Variants in BICDL1 observed in about 807,000 individuals in gnomAD.
BICDL1 encodes BICD family-like cargo adapter 1.
A neutral mutation model predicts 76.8 loss-of-function variants in BICDL1; 20 were observed. That is an observed-to-expected ratio of 0.26 (90% CI 0.18 to 0.38). BICDL1 has a LOEUF of 0.38. BICDL1 is among the 10% of genes least tolerant of loss of function. The probability of loss-of-function intolerance (pLI) is 1.00; values close to 1 mark genes in which losing one functional copy is unlikely to be tolerated. For synonymous variants in BICDL1, 383 were observed against 337.1 expected, an observed-to-expected ratio of 1.14 and a Z score of -1.49; for missense variants, 700 against 798.6, an observed-to-expected ratio of 0.88 and a Z score of 1.49.
intron 2 of BICDL1, among the ~76,000 whole-genome samples, chr12:120,047,768 C>T (rs576435003): frequency 1.2e-4 from 18 of 152,080 alleles, no homozygotes; most frequent in African/African-American, 4.1e-4. Flanking sequence ...TTTGTTTATT[C>T]TTCCCTTAAG....
At chr12:120,036,514 G>A (rs1335111600) in intron 2 of BICDL1, among the ~76,000 whole-genome samples, 2 of 152,248 alleles carry the variant, frequency 1.3e-5, no homozygotes, top group Admixed American at 6.5e-5. Flanking sequence ...TCTTTCATCT[G>A]GTCTAAAGCC....
intron 2 of BICDL1, among the ~76,000 whole-genome samples, chr12:120,037,466 G>C (rs1168544880): frequency 2.6e-5 from 4 of 152,008 alleles, no homozygotes; most frequent in African/African-American, 9.6e-5. Flanking sequence ...ACTGCGTGCA[G>C]TTCATTAATA....
intron 2 of BICDL1, among the ~76,000 whole-genome samples, chr12:120,035,321 G>A (rs1461800326): frequency 6.6e-6 from 1 of 152,322 alleles, no homozygotes; most frequent in East Asian, 1.9e-4. Flanking sequence ...AGGTAACAGA[G>A]TGAGACTCCA....
intron 2 of BICDL1, among the ~76,000 whole-genome samples, chr12:120,001,593 T>C (rs1219019634): frequency 6.6e-6 from 1 of 152,226 alleles, no homozygotes; most frequent in Non-Finnish European, 1.5e-5. Flanking sequence ...TTTATAAGTA[T>C]GAAATGTATA....
intron 8 of BICDL1, among the ~76,000 whole-genome samples, chr12:120,087,087 C>T (rs1258492214): frequency 6.6e-6 from 1 of 152,236 alleles, no homozygotes; most frequent in Non-Finnish European, 1.5e-5. Context: ...ACGCCGGAAG[C>T]TCAGGAGGCT....
chr12:120,070,045 A>T (rs761872339), intron 4 of BICDL1, among the ~76,000 whole-genome samples: 1 of 152,122 alleles, frequency 6.6e-6, no homozygotes, highest in African/African-American at 2.4e-5. Context: ...CACTTATTTT[A>T]TTCTTATTAG....
intron 2 of BICDL1, among the ~76,000 whole-genome samples, chr12:120,020,729 C>T (rs906259108): frequency 6.6e-6 from 1 of 152,120 alleles, no homozygotes; most frequent in Non-Finnish European, 1.5e-5. Context: ...CATATCATCC[C>T]ACAGGTTATT....
At chr12:120,090,931 T>C in intron 9 of BICDL1, 1 of 1,288,464 alleles carries the variant, frequency 7.8e-7, no homozygotes, top group African/African-American at 1.5e-5. Context: ...CAGGGCTTTT[T>C]ACTATCTGGC....
chr12:120,013,051 C>T (rs931378437), intron 2 of BICDL1, among the ~76,000 whole-genome samples: 1 of 152,088 alleles, frequency 6.6e-6, no homozygotes, highest in African/African-American at 2.4e-5. Flanking sequence ...TGGCTCATGC[C>T]TGTAATCCCA....
chr12:120,028,793 G>A (rs975258868), intron 2 of BICDL1, among the ~76,000 whole-genome samples: 2 of 152,146 alleles, frequency 1.3e-5, no homozygotes, highest in African/African-American at 4.8e-5. Flanking sequence ...GGAGCTTCTG[G>A]CTTGATTGAG....
chr12:120,019,203 T>C (rs1338139297), intron 2 of BICDL1: 2 of 152,016 alleles, frequency 1.3e-5, no homozygotes, highest in African/African-American at 2.4e-5. Context: ...AGTAGTGTGA[T>C]TGTGCCTATG....
rs74933774 is a variant in BICDL1, at chr12:120,026,281, T to C, written c.645+27545T>C. ...AGATTATCCTAATGTCTGTGATTTA[T>C]TTTTAAATACTTTAGAAAAAATTTA... On this transcript the variant is annotated intron_variant, in intron 2 of 9. Coordinates refer to ENST00000548673, the MANE Select transcript of BICDL1 (RefSeq NM_001367886.1). Among the ~76,000 whole-genome samples the C allele has an allele frequency of 9.7e-3, 1,481 of 152,272 alleles. 23 individuals are homozygous for C. The highest frequency in any genetic ancestry group is 0.044 in the East Asian group (226 of 5,190).
chr12:119,998,172 G>T (rs1472152712), intron 1 of BICDL1, among the ~76,000 whole-genome samples: 1 of 152,144 alleles, frequency 6.6e-6, no homozygotes, highest in Non-Finnish European at 1.5e-5. Context: ...GATTTTAGTT[G>T]TGGGACTCAT....
At chr12:120,019,125 A>G (rs1594122750) in intron 2 of BICDL1, 1 of 151,162 alleles carries the variant, frequency 6.6e-6, no homozygotes, top group East Asian at 2.0e-4. Flanking sequence ...GGGGACCGCC[A>G]GCTTGCTTAA....
In BICDL1 at chr12:120,093,986, C is replaced by T. The variant is rs1301810907; in HGVS notation, c.*825C>T. Reference sequence around the variant, plus strand: ...AGCTCCCTCCTCCACCCCTCACATACATACATAATTTCTTGGCCTAGCCAA... The same window carrying T: ...AGCTCCCTCCTCCACCCCTCACATATATACATAATTTCTTGGCCTAGCCAA... On this transcript the variant is annotated 3_prime_UTR_variant, in exon 10 of 10. Transcript: ENST00000548673. 2.3e-5 allele frequency: 8 copies of T among 347,044 alleles called. No individual in the cohort carries two copies. The highest frequency in any genetic ancestry group is 7.7e-5 in the Admixed American group (2 of 26,100). 21.5% of individuals were successfully genotyped at this position (347,044 alleles called of 1,614,324 possible). A position where few individuals can be genotyped will look rare whatever the true frequency, so the allele number is the denominator to read the frequency against.
intron 2 of BICDL1, among the ~76,000 whole-genome samples, chr12:120,052,178 G>A (rs1399004936): frequency 6.6e-6 from 1 of 151,784 alleles, no homozygotes; most frequent in East Asian, 1.9e-4. Flanking sequence ...TCCTGACCTC[G>A]TGATCTGCCC....
At chr12:120,057,075 C>T in intron 2 of BICDL1, 1 of 522,032 alleles carries the variant, frequency 1.9e-6, no homozygotes, top group South Asian at 1.4e-5. Flanking sequence ...CTGTCCTCCT[C>T]CACCTCTGAT....
intron 1 of BICDL1, among the ~76,000 whole-genome samples, chr12:119,995,644 A>G (rs779342005): frequency 5.9e-5 from 9 of 152,222 alleles, no homozygotes; most frequent in Admixed American, 1.3e-4. Flanking sequence ...TAGGATTGCA[A>G]TTAGCATTTG....
At chr12:119,996,244 A>G (rs905735741) in intron 1 of BICDL1, among the ~76,000 whole-genome samples, 1 of 152,070 alleles carries the variant, frequency 6.6e-6, no homozygotes, top group African/African-American at 2.4e-5. Flanking sequence ...CAGAATGTTA[A>G]TTTTCTACTG....
Sources: gnomAD v4.1 joint callset for allele counts (sites outside exome capture counted in the v4.1 genomes callset) on GRCh38, gnomAD v4.1.1 for gene constraint, MANE v1.5 for transcripts, NCBI Gene and HGNC (gene_info 2026-07-23, HGNC 2026-07-21) for gene names.